IMPG2: variants seen among roughly 807,000 people sequenced by gnomAD.
IMPG2 encodes IPM 200.
Under a neutral mutation model 129.2 loss-of-function variants are expected in IMPG2, and 91 were observed. That is an observed-to-expected ratio of 0.70 (90% CI 0.59 to 0.84). The LOEUF (loss-of-function observed/expected upper bound fraction) is 0.84, where lower values mean the gene tolerates loss of function less well. IMPG2 is among the 40% of genes least tolerant of loss of function. IMPG2 has a pLI of 0.00. For synonymous variants in IMPG2, 510 were observed against 517.7 expected (o/e 0.99, Z 0.20); for missense variants, 1,430 against 1,461.7 (o/e 0.98, Z 0.35).
chr3:101,247,699 G>T (rs1305252242), intron 11 of IMPG2, among the ~76,000 whole-genome samples: 1 of 152,202 alleles, frequency 6.6e-6, no homozygotes, highest in Non-Finnish European at 1.5e-5. Context: ...ATTGGTCTGG[G>T]AGGGGAACCT....
chr3:101,290,213 C>A (rs1319039135), intron 4 of IMPG2, among the ~76,000 whole-genome samples: 2 of 152,042 alleles, frequency 1.3e-5, no homozygotes, highest in East Asian at 1.9e-4. Flanking sequence ...GGTGAAGAAA[C>A]CACACCCGGC....
intron 4 of IMPG2, among the ~76,000 whole-genome samples, chr3:101,287,233 G>A (rs1308272173): frequency 6.6e-6 from 1 of 152,008 alleles, no homozygotes; most frequent in Non-Finnish European, 1.5e-5. Flanking sequence ...GGCAACCTTG[G>A]CCACACCCAA....
chr3:101,264,048 C>G (rs1420003274), intron 9 of IMPG2, among the ~76,000 whole-genome samples: 1 of 151,748 alleles, frequency 6.6e-6, no homozygotes, highest in Admixed American at 6.6e-5. Flanking sequence ...CAAAAAGAAA[C>G]TGAGCAAACC....
chr3:101,239,164 A>C (rs1279569554), intron 14 of IMPG2, among the ~76,000 whole-genome samples: 1 of 152,182 alleles, frequency 6.6e-6, no homozygotes, highest in Non-Finnish European at 1.5e-5. Context: ...CAGAATGAGA[A>C]AACATTTTTG....
At chr3:101,240,737 A>G (rs1420313653) in intron 14 of IMPG2, among the ~76,000 whole-genome samples, 1 of 152,202 alleles carries the variant, frequency 6.6e-6, no homozygotes, top group Non-Finnish European at 1.5e-5. Context: ...GCCTTAGAGA[A>G]CTCAAGTGGT....
At chr3:101,315,782 T>C (rs1426369974) in intron 2 of IMPG2, among the ~76,000 whole-genome samples, 1 of 151,928 alleles carries the variant, frequency 6.6e-6, no homozygotes, top group Admixed American at 6.6e-5. Flanking sequence ...TAAAAATTGG[T>C]AAGCTGATTC....
chr3:101,262,782 AAC>A (rs1183888278), intron 9 of IMPG2, among the ~76,000 whole-genome samples: 29 of 151,648 alleles, frequency 1.9e-4, no homozygotes, highest in African/African-American at 6.3e-4. Context: ...AAAAAAAAAA[AAC>A]AAACTATATG....
chr3:101,273,847 T>C (rs1706813477), intron 6 of IMPG2, 105 bp from the exon 7 acceptor site: 4 of 1,100,874 alleles, frequency 3.6e-6, no homozygotes, highest in Non-Finnish European at 5.4e-6. Flanking sequence ...AGGCAGCTTC[T>C]GAAGATAATC....
At chr3:101,259,589 G>T (rs1299974784) in intron 9 of IMPG2, among the ~76,000 whole-genome samples, 4 of 150,746 alleles carry the variant, frequency 2.7e-5, no homozygotes, top group Non-Finnish European at 3.0e-5. Context: ...ATATATACTT[G>T]TCTGAAGGCA....
intron 7 of IMPG2, 85 bp from the exon 8 acceptor site, chr3:101,269,658 A>C (rs1706758476): frequency 1.2e-6 from 1 of 828,944 alleles, no homozygotes. Context: ...GTAGAATAAA[A>C]AGTGAACTGT....
chr3:101,276,909 C>T (rs1424599720), intron 4 of IMPG2, among the ~76,000 whole-genome samples, 196 bp from the exon 5 acceptor site: 1 of 152,070 alleles, frequency 6.6e-6, no homozygotes, highest in Non-Finnish European at 1.5e-5. Flanking sequence ...ATGCCTACTC[C>T]ACTAGAATCA....
intron 18 of IMPG2, chr3:101,228,004 A>G (rs1706242460): frequency 2.7e-6 from 1 of 367,468 alleles, no homozygotes; most frequent in Non-Finnish European, 5.5e-6. Context: ...GCCAGAAGAT[A>G]CTTATCTGGC....
chr3:101,260,003 T>C (rs1396123377), intron 9 of IMPG2, among the ~76,000 whole-genome samples: 1 of 152,128 alleles, frequency 6.6e-6, no homozygotes, highest in African/African-American at 2.4e-5. Context: ...TCCTAGAGAA[T>C]TCATTGTCTT....
At chr3:101,296,825 A>G (rs1707084039) in intron 3 of IMPG2, among the ~76,000 whole-genome samples, 1 of 152,196 alleles carries the variant, frequency 6.6e-6, no homozygotes, top group African/African-American at 2.4e-5. Flanking sequence ...GTATGTGTCC[A>G]GGAATTTATC....
At chr3:101,269,926 C>CTTTTTT (rs5851267) in intron 7 of IMPG2, among the ~76,000 whole-genome samples, 11 of 106,952 alleles carry the variant, frequency 1.0e-4, no homozygotes, top group Non-Finnish European at 1.7e-4. Context: ...TTATTTTATT[C>CTTTTTT]TTTTTTTTTT....
intron 14 of IMPG2, among the ~76,000 whole-genome samples, 184 bp from the exon 15 acceptor site, chr3:101,233,175 T>C (rs1387595087): frequency 6.6e-6 from 1 of 152,158 alleles, no homozygotes; most frequent in Non-Finnish European, 1.5e-5. Flanking sequence ...CAATAAGCTT[T>C]TGTCAAATTT....
At chr3:101,269,453 GACATTCC>G in intron 8 of IMPG2, 55 bp downstream of exon 8, 1 of 899,478 alleles carries the variant, frequency 1.1e-6, no homozygotes, top group South Asian at 1.3e-5. Flanking sequence ...AAATATAATG[GACATTCC>G]ATTCAGAATA....
chr3:101,245,661 C>T lies in IMPG2; in HGVS notation c.1543+141G>A. Reference sequence around the variant, plus strand: ...CCAACAAATTAAATTTGATTGTTTCCTCTCACACACAATTTTACCAAGACA... The same window carrying T: ...CCAACAAATTAAATTTGATTGTTTCTTCTCACACACAATTTTACCAAGACA... On this transcript the variant is annotated intron_variant, in intron 12 of 18. Coordinates refer to ENST00000193391, the MANE Select transcript of IMPG2 (RefSeq NM_016247.4). 5 of 792,956 alleles carry T rather than the reference C, an allele frequency of 6.3e-6. No homozygotes were observed. The East Asian group carries it at 7.3e-5, about 12-fold the overall frequency. 49.1% of individuals were successfully genotyped at this position (792,956 alleles called of 1,614,324 possible). A position where few individuals can be genotyped will look rare whatever the true frequency, so the allele number is the denominator to read the frequency against.
rs777494883 is a variant in IMPG2, at chr3:101,257,728, G to A, written c.954C>T (p.Ile318=). 6.2e-7 allele frequency: 1 copy of A among 1,613,158 alleles called. No homozygotes were observed. Among genetic ancestry groups the A allele is most frequent in the Non-Finnish European group, 8.5e-7 (1 of 1,179,338 alleles). Residue 318 remains isoleucine (I), a synonymous_variant, in exon 10 of 19, where the codon ATC becomes ATT. Coordinates refer to ENST00000193391, the MANE Select transcript of IMPG2 (RefSeq NM_016247.4). ...YYAVTFNGEA[I]SNTTWDLISL... ...TAATGAGGTCCCAGGTGGTATTGCT[G>A]ATGGCCTCACCATTGAAGGTAACTG...
Sources: gnomAD v4.1 joint callset for allele counts (sites outside exome capture counted in the v4.1 genomes callset) on GRCh38, gnomAD v4.1.1 for gene constraint, MANE v1.5 for transcripts, NCBI Gene and HGNC (gene_info 2026-07-23, HGNC 2026-07-21) for gene names.